Variants in BABAM2 observed in about 807,000 individuals in gnomAD.
The protein encoded by BABAM2 is BRISC and BRCA1 A complex member 2.
Under a neutral mutation model 54.7 loss-of-function variants are expected in BABAM2, and 31 were observed. The observed-to-expected ratio is 0.57, with a 90% confidence interval of 0.43 to 0.77. The LOEUF is 0.77. BABAM2 is among the 30% of genes least tolerant of loss of function. The pLI, the probability that BABAM2 is intolerant of heterozygous loss-of-function variation, is 0.00. For missense variants in BABAM2, 364 were observed against 455.8 expected, an observed-to-expected ratio of 0.80 and a Z score of 1.83; for synonymous variants, 167 against 162.9, an observed-to-expected ratio of 1.03 and a Z score of -0.19.
intron 3 of BABAM2, among the ~76,000 whole-genome samples, chr2:27,967,384 G>T (rs2148443311): frequency 6.6e-6 from 1 of 152,312 alleles, no homozygotes; most frequent in Non-Finnish European, 1.5e-5. Context: ...TGTAAGATGT[G>T]ACTTGCTCCG....
intron 2 of BABAM2, among the ~76,000 whole-genome samples, chr2:27,920,304 T>C (rs1412009532): frequency 6.6e-6 from 1 of 152,166 alleles, no homozygotes; most frequent in African/African-American, 2.4e-5. Context: ...TATGTAAGAT[T>C]CCATGAACCA....
chr2:28,122,607 T>A (rs1669175498), intron 6 of BABAM2, among the ~76,000 whole-genome samples: 1 of 152,230 alleles, frequency 6.6e-6, no homozygotes, highest in South Asian at 2.1e-4. Flanking sequence ...CTTGTTCAGC[T>A]AATGTCTTTC....
chr2:28,022,210 A>G (rs1232985186), intron 4 of BABAM2, among the ~76,000 whole-genome samples: 1 of 151,610 alleles, frequency 6.6e-6, no homozygotes, highest in Non-Finnish European at 1.5e-5. Context: ...GGCAGCCTAG[A>G]CAGGGGAGCC....
chr2:28,236,331 A>G (rs1681905768), intron 7 of BABAM2, among the ~76,000 whole-genome samples: 1 of 151,898 alleles, frequency 6.6e-6, no homozygotes, highest in African/African-American at 2.4e-5. Flanking sequence ...ATTTAAACTG[A>G]AAAAAAGAAT....
chr2:28,192,757 C>T (rs779931201), intron 7 of BABAM2, among the ~76,000 whole-genome samples: 4 of 151,784 alleles, frequency 2.6e-5, no homozygotes, highest in African/African-American at 9.7e-5. Flanking sequence ...CTCCTGACCT[C>T]GTGATCCGCC....
In BABAM2 at chr2:28,165,529, CTTTTTTT is replaced by C. The variant is rs1192641957; in HGVS notation, c.680+36166_680+36172del. On this transcript the variant is annotated intron_variant, in intron 7 of 11. Transcript: ENST00000379624. ...CTGAAGCTTTTTTTTTTTTTCCTTG[CTTTTTTT>C]TTTTTTTTTTTTTTTTGAGACAGAG... Among the ~76,000 whole-genome samples the C allele has an allele frequency of 7.3e-3, 527 of 72,236 alleles. 1 individual carries two copies. The highest frequency in any genetic ancestry group is 0.011 in the Non-Finnish European group (441 of 41,882). The allele number at this position is 72,236 out of a possible 152,430, so 47.4% of individuals were successfully genotyped here. A position where few individuals can be genotyped will look rare whatever the true frequency, so the allele number is the denominator to read the frequency against.
chr2:28,306,534 C>A (rs552200067), intron 11 of BABAM2, among the ~76,000 whole-genome samples: 3 of 151,924 alleles, frequency 2.0e-5, no homozygotes, highest in Non-Finnish European at 4.4e-5. Flanking sequence ...ATTGTTACAC[C>A]AGCTTTCTTC....
chr2:28,139,070 T>G (rs1035635339), intron 7 of BABAM2, among the ~76,000 whole-genome samples: 25 of 152,042 alleles, frequency 1.6e-4, no homozygotes, highest in Non-Finnish European at 5.9e-5. Context: ...CCATAGGTAG[T>G]GGGACCAGGG....
chr2:28,101,718 G>A (rs1273459820), intron 6 of BABAM2, among the ~76,000 whole-genome samples: 2 of 152,122 alleles, frequency 1.3e-5, no homozygotes, highest in Non-Finnish European at 2.9e-5. Context: ...TGTTCATAAT[G>A]TATTAGTACA....
intron 10 of BABAM2, among the ~76,000 whole-genome samples, chr2:28,296,327 G>A (rs1368865469): frequency 6.6e-6 from 1 of 152,160 alleles, no homozygotes. Context: ...TGAACTCTCT[G>A]CTTTGGCACC....
intron 11 of BABAM2, among the ~76,000 whole-genome samples, chr2:28,337,065 G>T (rs150659257): frequency 6.6e-6 from 1 of 152,334 alleles, no homozygotes; most frequent in Non-Finnish European, 1.5e-5. Context: ...GACCTTTGCA[G>T]TGCTGAGGGT....
intron 5 of BABAM2, 132 bp downstream of exon 5, chr2:28,025,552 T>C: frequency 1.1e-6 from 1 of 901,394 alleles, no homozygotes; most frequent in African/African-American, 1.7e-5. Context: ...TTTCTCATAA[T>C]TTAGAGTTTA....
chr2:28,094,898 C>G lies in BABAM2; in HGVS notation c.571-34373C>G, dbSNP rs1390292777. On this transcript the variant is annotated intron_variant, in intron 6 of 11. Coordinates refer to ENST00000379624, the MANE Select transcript of BABAM2 (RefSeq NM_199191.3). ...GCAATCTTTTCATACCACTACGTAG[C>G]TCCCTCTTCTTTTTTTTTTTTTTTT... Among the ~76,000 whole-genome samples the G allele has an allele frequency of 2.7e-5, 4 of 149,816 alleles. No individual in the cohort carries two copies. In the South Asian group the frequency reaches 8.4e-4, roughly 32 times the overall value.
At chr2:28,052,774 CA>C (rs1427397722) in intron 6 of BABAM2, among the ~76,000 whole-genome samples, 1 of 152,078 alleles carries the variant, frequency 6.6e-6, no homozygotes, top group Non-Finnish European at 1.5e-5. Context: ...TGTTAAAAAA[CA>C]AAGTGTGTGT....
At chr2:27,911,017 T>G (rs1459615972) in intron 2 of BABAM2, among the ~76,000 whole-genome samples, 1 of 152,174 alleles carries the variant, frequency 6.6e-6, no homozygotes, top group Admixed American at 6.5e-5. Flanking sequence ...TCTGATGATT[T>G]TATAAGGGGC....
At chr2:28,246,621 C>T (rs1245683682) in intron 10 of BABAM2, among the ~76,000 whole-genome samples, 1 of 152,232 alleles carries the variant, frequency 6.6e-6, no homozygotes, top group Non-Finnish European at 1.5e-5. Flanking sequence ...CCAGTTCCTT[C>T]ATCTCCAAGT....
Position 28,298,390 on chromosome 2 carries a change from CG to C in BABAM2, c.988del (p.Val330PhefsTer60). The C allele has an allele frequency of 6.2e-7, 1 of 1,614,050 alleles. No individual in the cohort carries two copies. The highest frequency in any genetic ancestry group is 8.5e-7 in the Non-Finnish European group (1 of 1,179,954). On this transcript the variant is annotated frameshift_variant, in exon 11 of 12. Transcript: ENST00000379624. LOFTEE classifies it high-confidence loss of function. The part of the protein sequence containing the change: ...RDQPTLTFQS[V>X]YHFTNSGQLY... ...ACCAGCCAACTCTCACATTTCAGTC[CG>C]TTTATCACTTTACCAACAGTGGACA...
intron 6 of BABAM2, among the ~76,000 whole-genome samples, chr2:28,124,189 C>G (rs1442627950): frequency 6.6e-6 from 1 of 152,102 alleles, no homozygotes. Context: ...GTCTTTTTGA[C>G]CAATCTAACT....
At chr2:28,132,788 C>T (rs1030735246) in intron 7 of BABAM2, among the ~76,000 whole-genome samples, 2 of 152,226 alleles carry the variant, frequency 1.3e-5, no homozygotes, top group African/African-American at 4.8e-5. Flanking sequence ...ATAATCTACC[C>T]ATCATAGCTT....
Sources: gnomAD v4.1 joint callset for allele counts (sites outside exome capture counted in the v4.1 genomes callset) on GRCh38, gnomAD v4.1.1 for gene constraint, MANE v1.5 for transcripts, NCBI Gene and HGNC (gene_info 2026-07-23, HGNC 2026-07-21) for gene names.